Variants in ZNF280D observed in about 807,000 individuals in gnomAD.
The protein encoded by ZNF280D is suppressor of hairy wing homolog 4.
Under a neutral mutation model 94.7 loss-of-function variants are expected in ZNF280D, and 39 were observed. The observed-to-expected ratio is 0.41, with a 90% CI of 0.32 to 0.54. The LOEUF (loss-of-function observed/expected upper bound fraction) is 0.54, where lower values mean the gene tolerates loss of function less well. Among genes scored for constraint, ZNF280D ranks in the 20% least tolerant of loss-of-function variants. The pLI is 0.22. For synonymous variants in ZNF280D, 398 were observed against 377.6 expected, an observed-to-expected ratio of 1.05 and a Z score of -0.63; for missense variants, 1,090 against 1,149.3, an observed-to-expected ratio of 0.95 and a Z score of 0.75.
chr15:56,654,177 C>A (rs368293146), intron 19 of ZNF280D, 21 bp downstream of exon 19: 8 of 1,600,662 alleles, frequency 5.0e-6, no homozygotes, highest in African/African-American at 1.4e-5. Flanking sequence ...GTAAAATGCA[C>A]TGAATAAAAA....
At chr15:56,719,565 T>C (rs956245113) in intron 1 of ZNF280D, among the ~76,000 whole-genome samples, 1 of 152,042 alleles carries the variant, frequency 6.6e-6, no homozygotes, top group Non-Finnish European at 1.5e-5. Context: ...CAAACTCAGG[T>C]ATTTATTTAT....
chr15:56,675,869 G>A (rs1002503126), intron 13 of ZNF280D, among the ~76,000 whole-genome samples: 19 of 151,936 alleles, frequency 1.3e-4, no homozygotes, highest in African/African-American at 3.9e-4. Context: ...GATCAGATTC[G>A]GTAAATCCAT....
At chr15:56,653,481 C>A in intron 19 of ZNF280D, 2 of 1,508,196 alleles carry the variant, frequency 1.3e-6, no homozygotes, top group Non-Finnish European at 1.8e-6. Flanking sequence ...GCAGGTCCCA[C>A]AGTCAAATTA....
intron 1 of ZNF280D, among the ~76,000 whole-genome samples, chr15:56,712,585 C>T (rs1238864642): frequency 1.9e-4 from 23 of 121,926 alleles, no homozygotes; most frequent in African/African-American, 7.1e-4. Flanking sequence ...CAGTGTGAGA[C>T]CCTCATACCA....
At chr15:56,728,619 T>C (rs775844232) in intron 1 of ZNF280D, among the ~76,000 whole-genome samples, 22 of 152,130 alleles carry the variant, frequency 1.4e-4, no homozygotes, top group East Asian at 1.2e-3. Flanking sequence ...AGGGAAGCAT[T>C]TGAAATTTAG....
chr15:56,722,906 T>C (rs557104405), intron 1 of ZNF280D, among the ~76,000 whole-genome samples: 2 of 151,740 alleles, frequency 1.3e-5, no homozygotes, highest in Non-Finnish European at 1.5e-5. Context: ...CCATAAAAAA[T>C]GATGAGTTCA....
chr15:56,655,267 G>A (rs1398755908), intron 17 of ZNF280D, among the ~76,000 whole-genome samples: 1 of 152,180 alleles, frequency 6.6e-6, no homozygotes, highest in Non-Finnish European at 1.5e-5. Flanking sequence ...GAGTGCAGTG[G>A]CGTGATCTCA....
intron 3 of ZNF280D, among the ~76,000 whole-genome samples, chr15:56,704,733 C>T (rs1374977909): frequency 6.6e-6 from 1 of 152,124 alleles, no homozygotes; most frequent in African/African-American, 2.4e-5. Context: ...GTAATCCCAG[C>T]ACTTTGGGAA....
At chr15:56,708,524 T>A (rs552789273) in intron 1 of ZNF280D, among the ~76,000 whole-genome samples, 1 of 152,338 alleles carries the variant, frequency 6.6e-6, no homozygotes, top group East Asian at 1.9e-4. Flanking sequence ...ATAATGTTTT[T>A]AAGTTATCAG....
chr15:56,659,144 G>C (rs1044817302), intron 16 of ZNF280D, among the ~76,000 whole-genome samples: 10 of 135,860 alleles, frequency 7.4e-5, no homozygotes, highest in Non-Finnish European at 1.2e-4. Context: ...GGAGGCCACC[G>C]AGCCTGGCTT....
At chr15:56,669,399 AAAG>A (rs1212801502) in intron 13 of ZNF280D, among the ~76,000 whole-genome samples, 4 of 151,992 alleles carry the variant, frequency 2.6e-5, no homozygotes, top group African/African-American at 7.2e-5. Flanking sequence ...CAGACATTTC[AAAG>A]AAGGTTATTT....
chr15:56,709,966 C>G, intron 1 of ZNF280D, among the ~76,000 whole-genome samples: 1 of 152,058 alleles, frequency 6.6e-6, no homozygotes, highest in East Asian at 1.9e-4. Context: ...ATGTAACAAA[C>G]CTGCATGTTG....
Position 56,707,120 on chromosome 15 carries a change from A to G in ZNF280D, c.-11T>C. The G allele has an allele frequency of 6.2e-7, 1 of 1,613,928 alleles. No individual in the cohort carries two copies. The highest frequency in any genetic ancestry group is 8.5e-7 in the Non-Finnish European group (1 of 1,179,928). Reference sequence around the variant, plus strand: ...AGGGTTGTCGCCCATCAAGCTGCAGAGATGACTTTCTGTAAATTGTCACCT... The same window carrying G: ...AGGGTTGTCGCCCATCAAGCTGCAGGGATGACTTTCTGTAAATTGTCACCT... On this transcript the variant is annotated 5_prime_UTR_variant, in exon 3 of 22. Transcript: ENST00000267807.
chr15:56,723,767 T>C (rs901489643), intron 1 of ZNF280D, among the ~76,000 whole-genome samples: 19 of 152,318 alleles, frequency 1.2e-4, no homozygotes, highest in African/African-American at 4.3e-4. Context: ...TAAAGTGAAA[T>C]AGATTTACTT....
chr15:56,719,232 T>C (rs1015460980), intron 1 of ZNF280D, among the ~76,000 whole-genome samples: 3 of 152,084 alleles, frequency 2.0e-5, no homozygotes, highest in Admixed American at 2.0e-4. Context: ...TGAGAGGTGT[T>C]TGGGTGGAAG....
At chr15:56,715,416 G>A (rs771539253) in intron 1 of ZNF280D, among the ~76,000 whole-genome samples, 15 of 152,092 alleles carry the variant, frequency 9.9e-5, no homozygotes, top group Non-Finnish European at 1.9e-4. Context: ...TGATGCAACA[G>A]ATGATAGTGA....
At chr15:56,717,454 A>G (rs2058105879) in intron 1 of ZNF280D, among the ~76,000 whole-genome samples, 1 of 152,148 alleles carries the variant, frequency 6.6e-6, no homozygotes, top group Non-Finnish European at 1.5e-5. Context: ...TCAAGTAATA[A>G]TAACAACAAC....
intron 1 of ZNF280D, among the ~76,000 whole-genome samples, chr15:56,721,612 C>A (rs1384680464): frequency 6.6e-6 from 1 of 152,140 alleles, no homozygotes; most frequent in Non-Finnish European, 1.5e-5. Context: ...CAGTGTCTCT[C>A]CTTAAACCTC....
intron 3 of ZNF280D, among the ~76,000 whole-genome samples, 155 bp from the exon 4 acceptor site, chr15:56,704,422 G>A (rs544079664): frequency 6.6e-6 from 1 of 152,234 alleles, no homozygotes; most frequent in Non-Finnish European, 1.5e-5. Flanking sequence ...ACAACAGTGA[G>A]AAATACAGAG....
Sources: allele counts gnomAD v4.1 joint callset (sites outside exome capture counted in the v4.1 genomes callset), GRCh38; gene constraint gnomAD v4.1.1; transcripts MANE v1.5; gene names NCBI Gene and HGNC (gene_info 2026-07-23, HGNC 2026-07-21).